The following TRAF6 variants were observed in gnomAD, a reference collection of about 807,000 sequenced individuals.
TRAF6 encodes the protein TNF receptor-associated factor 6.
A neutral mutation model predicts 48.4 loss-of-function variants in TRAF6; 10 were observed. That is an observed-to-expected ratio of 0.21 (90% CI 0.13 to 0.35). TRAF6 has a LOEUF of 0.35. Ranked by LOEUF, TRAF6 falls within the 10% of genes least tolerant of loss-of-function variation. TRAF6 has a pLI of 1.00. For missense variants in TRAF6, 397 were observed against 661.0 expected, an observed-to-expected ratio of 0.60 and a Z score of 4.38; for synonymous variants, 186 against 219.6, an observed-to-expected ratio of 0.85 and a Z score of 1.35.
Position 36,488,643 on chromosome 11 carries a change from T to C in TRAF6, c.*1195A>G, listed in dbSNP as rs1369146908. The C allele has an allele frequency of 1.3e-5, 2 of 152,164 alleles. No homozygotes were observed. Among genetic ancestry groups the C allele is most frequent in the Non-Finnish European group, 2.9e-5 (2 of 68,022 alleles). 9.4% of individuals were successfully genotyped at this position (152,164 alleles called of 1,614,324 possible). ...GGCACACAAAAAAATCATCTCCCTATTAGGAAAATCTGGTTACTTCCAGGA... is the reference window on the plus strand; with the variant it reads ...GGCACACAAAAAAATCATCTCCCTACTAGGAAAATCTGGTTACTTCCAGGA... On this transcript the variant is annotated 3_prime_UTR_variant, in exon 7 of 7. Coordinates refer to ENST00000526995, the MANE Select transcript of TRAF6 (RefSeq NM_004620.4).
chr11:36,502,633 C>T (rs1201385280), intron 1 of TRAF6, among the ~76,000 whole-genome samples: 1 of 152,114 alleles, frequency 6.6e-6, no homozygotes, highest in East Asian at 1.9e-4. Flanking sequence ...TTTACCACTA[C>T]AAATACCTTT....
rs1859609669 is a variant in TRAF6, at chr11:36,494,932, TTAAGC to T, written c.678+39_678+43del. On this transcript the variant is annotated intron_variant, in intron 5 of 6. Transcript: ENST00000526995. ...CAATTAAAAAACCTAATTCACTTCT[TTAAGC>T]TGTTTATGAAAATAATAATTTATGA... 5.1e-6 allele frequency: 7 copies of T among 1,363,388 alleles called. No homozygotes were observed. In the African/African-American group the frequency reaches 1.0e-4, roughly 20 times the overall value. The allele number at this position is 1,363,388 out of a possible 1,614,324, so 84.5% of individuals were successfully genotyped here.
In TRAF6 at chr11:36,495,047, T is replaced by A; in HGVS notation, c.607A>T (p.Ile203Phe). The A allele has an allele frequency of 6.3e-7, 1 of 1,598,118 alleles. No individual in the cohort carries two copies. Residue 203 changes from isoleucine (I) to phenylalanine (F), a missense_variant and splice_region_variant, in exon 5 of 7, where the codon ATC becomes TTC. Ile to Phe is a conservative substitution (Grantham distance 21, BLOSUM62 0). Coordinates refer to ENST00000526995, the MANE Select transcript of TRAF6 (RefSeq NM_004620.4). The part of the protein sequence containing the change: ...AASMAFEDKE[I>F]HDQNCPLANV... ...GCCAAAGGACAGTTCTGGTCATGGA[T>A]CTGAATTTTATTAGAGAAATATAAT...
chr11:36,495,099 G>A (rs775695119), intron 4 of TRAF6, 52 bp from the exon 5 acceptor site: 2 of 1,389,150 alleles, frequency 1.4e-6, no homozygotes, highest in Non-Finnish European at 1.0e-6. Flanking sequence ...CTGAAAAAGT[G>A]AAAACAACTA....
At position 36,509,369 on chromosome 11, in the gene TRAF6, A is replaced by G. The variant is rs534606951; in HGVS notation, c.-23+679T>C. On this transcript the variant is annotated intron_variant, in intron 1 of 6. Coordinates refer to ENST00000526995, the MANE Select transcript of TRAF6 (RefSeq NM_004620.4). Reference sequence around the variant, plus strand: ...CTTTATCAACCCGGCGTCTGGAACAATCGCTCGAACTACCGAGTTTAGGGG... The same window carrying G: ...CTTTATCAACCCGGCGTCTGGAACAGTCGCTCGAACTACCGAGTTTAGGGG... 2.5e-4 allele frequency among the ~76,000 whole-genome samples: 38 copies of G among 152,052 alleles called. 1 individual carries two copies. The Middle Eastern group carries it at 0.01, about 41-fold the overall frequency.
chr11:36,499,467 A>G (rs1859686813), intron 2 of TRAF6, among the ~76,000 whole-genome samples: 1 of 152,006 alleles, frequency 6.6e-6, no homozygotes, highest in African/African-American at 2.4e-5. Context: ...TTTTCAGACC[A>G]CTGTCCCACT....
At chr11:36,495,196 A>G (rs1369492692) in intron 4 of TRAF6, 149 bp from the exon 5 acceptor site, 2 of 584,494 alleles carry the variant, frequency 3.4e-6, no homozygotes, top group East Asian at 5.9e-5. Context: ...AGAGTAATAT[A>G]TAAAGGCTAT....
At chr11:36,494,365 T>C (rs2133668266) in intron 5 of TRAF6, among the ~76,000 whole-genome samples, 1 of 152,196 alleles carries the variant, frequency 6.6e-6, no homozygotes, top group East Asian at 1.9e-4. Context: ...AGAGTGAGAC[T>C]CTATCTCAAG....
intron 1 of TRAF6, among the ~76,000 whole-genome samples, chr11:36,509,552 C>G (rs758174782): frequency 3.9e-5 from 6 of 152,090 alleles, no homozygotes; most frequent in Non-Finnish European, 7.3e-5. Flanking sequence ...AAAATTTAAG[C>G]AGGTGTTTGC....
At chr11:36,504,248 T>C (rs970760284) in intron 1 of TRAF6, among the ~76,000 whole-genome samples, 22 of 152,340 alleles carry the variant, frequency 1.4e-4, no homozygotes, top group Middle Eastern at 3.4e-3. Context: ...TGCTGTTTGA[T>C]AGCATTTTAC....
chr11:36,506,702 A>C (rs1859789350), intron 1 of TRAF6, among the ~76,000 whole-genome samples: 1 of 152,194 alleles, frequency 6.6e-6, no homozygotes, highest in South Asian at 2.1e-4. Flanking sequence ...TAATTCCTTA[A>C]AAGGAACTCC....
At chr11:36,503,327 C>T (rs1005738703) in intron 1 of TRAF6, among the ~76,000 whole-genome samples, 3 of 149,174 alleles carry the variant, frequency 2.0e-5, no homozygotes, top group Admixed American at 2.0e-4. Flanking sequence ...CAGAGTCTCA[C>T]TCTGTCGCTC....
Position 36,485,193 on chromosome 11 carries a change from C to T in TRAF6, c.*4645G>A, listed in dbSNP as rs1305472738. Among the ~76,000 whole-genome samples, 1 of 152,064 alleles carries T rather than the reference C, an allele frequency of 6.6e-6. No individual in the cohort carries two copies. The highest frequency in any genetic ancestry group is 1.9e-4 in the East Asian group (1 of 5,194). On this transcript the variant is annotated 3_prime_UTR_variant, in exon 7 of 7. Transcript: ENST00000526995. ...TTTCTGCATGTTTGGGAAATTTCAT[C>T]AAGTGCTGAAGAAAAAAAGCAAAAA...
At chr11:36,493,764 C>T (rs1351594763) in intron 5 of TRAF6, among the ~76,000 whole-genome samples, 2 of 152,068 alleles carry the variant, frequency 1.3e-5, no homozygotes, top group Non-Finnish European at 2.9e-5. Context: ...TGTTAAAAGA[C>T]AGCAAAAAGG....
At position 36,502,365 on chromosome 11, in the gene TRAF6, G is replaced by A. The variant is rs191941603; in HGVS notation, c.-22-828C>T. On this transcript the variant is annotated intron_variant, in intron 1 of 6. Coordinates refer to ENST00000526995, the MANE Select transcript of TRAF6 (RefSeq NM_004620.4). ...TGGAAAACTATTGGTTTCATGAGCAGATGAGATATCCTCAAATTCTAAACC... is the reference window on the plus strand; with the variant it reads ...TGGAAAACTATTGGTTTCATGAGCAAATGAGATATCCTCAAATTCTAAACC... 1.9e-3 allele frequency among the ~76,000 whole-genome samples: 291 copies of A among 152,302 alleles called. 3 individuals carry two copies. The highest frequency in any genetic ancestry group is 6.7e-3 in the African/African-American group (277 of 41,560).
rs960049780 is a variant in TRAF6, at chr11:36,487,317, A to G, written c.*2521T>C. On this transcript the variant is annotated 3_prime_UTR_variant, in exon 7 of 7. Transcript: ENST00000526995. Reference sequence around the variant, plus strand: ...TTGGGAAAATGTAAGGAAGAAACCAACTTTCCAGGTTAAGGCTTAATTCTG... The same window carrying G: ...TTGGGAAAATGTAAGGAAGAAACCAGCTTTCCAGGTTAAGGCTTAATTCTG... The G allele has an allele frequency of 6.6e-6, 1 of 152,212 alleles. No homozygotes were observed. The highest frequency in any genetic ancestry group is 1.9e-4 in the East Asian group (1 of 5,200). 9.4% of individuals were successfully genotyped at this position (152,212 alleles called of 1,614,324 possible).
chr11:36,502,660 T>C (rs1326350975), intron 1 of TRAF6, among the ~76,000 whole-genome samples: 2 of 152,156 alleles, frequency 1.3e-5, no homozygotes, highest in Non-Finnish European at 2.9e-5. Flanking sequence ...TTTTCAAAGA[T>C]TCTGAGTAGC....
chr11:36,491,744 C>T (rs1341615169), intron 6 of TRAF6, among the ~76,000 whole-genome samples: 7 of 152,140 alleles, frequency 4.6e-5, no homozygotes, highest in Admixed American at 4.6e-4. Flanking sequence ...TGTACATACG[C>T]CATATGATCT....
chr11:36,501,457 C>T lies in TRAF6; in HGVS notation c.59G>A (p.Cys20Tyr), dbSNP rs1314159296. ...CGSSQSESDC[C>Y]VAMASSCSAV... Reference sequence around the variant, plus strand: ...GCTACAGGAGCTGGCCATGGCCACACAGCAGTCACTTTCAGACTGGCTGGA... The same window carrying T: ...GCTACAGGAGCTGGCCATGGCCACATAGCAGTCACTTTCAGACTGGCTGGA... Residue 20 changes from cysteine to tyrosine, a missense_variant, in exon 2 of 7, where the codon TGT (cysteine) becomes TAT (tyrosine). Cys to Tyr is a radical substitution (Grantham distance 194). Coordinates refer to ENST00000526995, the MANE Select transcript of TRAF6 (RefSeq NM_004620.4). 1.5e-5 allele frequency: 24 copies of T among 1,613,958 alleles called. No homozygotes were observed. Among genetic ancestry groups the T allele is most frequent in the Non-Finnish European group, 1.9e-5 (23 of 1,179,982 alleles).
Sources: allele counts gnomAD v4.1 joint callset (sites outside exome capture counted in the v4.1 genomes callset), GRCh38; gene constraint gnomAD v4.1.1; transcripts MANE v1.5; gene names NCBI Gene and HGNC (gene_info 2026-07-23, HGNC 2026-07-21).